The following TENM3 variants were observed in gnomAD, a reference collection of about 807,000 sequenced individuals.
The protein encoded by TENM3 is teneurin-3.
A neutral mutation model predicts 255.1 loss-of-function variants in TENM3; 63 were observed. That is an observed-to-expected ratio of 0.25 (90% CI 0.20 to 0.30). The LOEUF (loss-of-function observed/expected upper bound fraction) is 0.30. Ranked by LOEUF, TENM3 falls within the 10% of genes least tolerant of loss-of-function variation. TENM3 has a pLI of 1.00. For missense variants in TENM3, 2,929 were observed against 3,461.1 expected, an observed-to-expected ratio of 0.85 and a Z score of 3.86; for synonymous variants, 1,306 against 1,322.3, an observed-to-expected ratio of 0.99 and a Z score of 0.27.
chr4:182,625,510 A>G (rs1019082862), intron 4 of TENM3, among the ~76,000 whole-genome samples: 1 of 152,192 alleles, frequency 6.6e-6, no homozygotes, highest in Non-Finnish European at 1.5e-5. Context: ...GGTCCAGGGA[A>G]AAATTGTCTT....
At chr4:182,696,997 T>C (rs936231138) in intron 12 of TENM3, among the ~76,000 whole-genome samples, 5 of 152,034 alleles carry the variant, frequency 3.3e-5, no homozygotes, top group Admixed American at 2.6e-4. Flanking sequence ...TACTCATCTA[T>C]AAAGTGGGAA....
chr4:181,452,076 C>T, the TENM3 span, among the ~76,000 whole-genome samples: 12 of 151,866 alleles, frequency 7.9e-5, 1 homozygote, highest in Admixed American at 3.3e-4. Flanking sequence ...GCTAAAAGCG[C>T]GGTGAGATGA....
the TENM3 span, among the ~76,000 whole-genome samples, chr4:181,896,368 C>A: frequency 4.6e-5 from 7 of 152,106 alleles, no homozygotes; most frequent in Non-Finnish European, 8.8e-5. Flanking sequence ...TCATGATGAT[C>A]CCTTTTAAAA....
chr4:182,474,472 T>A (rs1189486643), intron 3 of TENM3, among the ~76,000 whole-genome samples: 1 of 152,152 alleles, frequency 6.6e-6, no homozygotes, highest in African/African-American at 2.4e-5. Flanking sequence ...GGACATCACT[T>A]AGTCTAAGTA....
chr4:182,776,607 T>C (rs779238939), intron 24 of TENM3, among the ~76,000 whole-genome samples: 3 of 152,164 alleles, frequency 2.0e-5, no homozygotes, highest in Non-Finnish European at 2.9e-5. Context: ...CTGCTGTTCT[T>C]GGAGACAAGT....
At chr4:181,503,569 A>G in the TENM3 span, among the ~76,000 whole-genome samples, 1 of 152,170 alleles carries the variant, frequency 6.6e-6, no homozygotes, top group Non-Finnish European at 1.5e-5. Flanking sequence ...TGCATCATGT[A>G]TCGGGGAACT....
intron 1 of TENM3, among the ~76,000 whole-genome samples, chr4:182,200,657 T>C (rs1233226994): frequency 1.3e-5 from 2 of 152,184 alleles, no homozygotes; most frequent in Non-Finnish European, 2.9e-5. Context: ...AATTAGCTCC[T>C]GGCATGGAAG....
At chr4:182,030,008 C>CT in the TENM3 span, among the ~76,000 whole-genome samples, 4 of 54,686 alleles carry the variant, frequency 7.3e-5, 1 homozygote, top group African/African-American at 2.2e-4. Flanking sequence ...TCCTTTTTTT[C>CT]TTTTTTTTTT....
intron 4 of TENM3, among the ~76,000 whole-genome samples, chr4:182,610,262 A>T (rs1748865294): frequency 6.6e-6 from 1 of 152,264 alleles, no homozygotes; most frequent in African/African-American, 2.4e-5. Flanking sequence ...TCATTCATTT[A>T]TGCAGGAAAT....
At chr4:181,661,329 T>C in the TENM3 span, among the ~76,000 whole-genome samples, 1 of 152,166 alleles carries the variant, frequency 6.6e-6, no homozygotes, top group Non-Finnish European at 1.5e-5. Flanking sequence ...CTAGTGGACC[T>C]GCACTTTCAG....
At chr4:181,510,207 A>T in the TENM3 span, among the ~76,000 whole-genome samples, 34 of 152,362 alleles carry the variant, frequency 2.2e-4, no homozygotes, top group Admixed American at 1.3e-3. Flanking sequence ...GTTAACTTTC[A>T]CAGCAGAAAA....
chr4:182,516,708 T>C (rs150227350), intron 3 of TENM3, among the ~76,000 whole-genome samples: 11,502 of 152,088 alleles, frequency 0.076, 488 homozygotes, highest in East Asian at 0.1. Flanking sequence ...CTGGCCAACA[T>C]GGTGAAACCC....
chr4:182,230,959 A>G (rs930862333), intron 1 of TENM3, among the ~76,000 whole-genome samples: 1 of 150,096 alleles, frequency 6.7e-6, no homozygotes, highest in African/African-American at 2.5e-5. Context: ...CTCCTGACCA[A>G]CAAGTGTCTC....
At chr4:182,669,891 C>A (rs775295399) in intron 6 of TENM3, among the ~76,000 whole-genome samples, 121 of 152,216 alleles carry the variant, frequency 7.9e-4, no homozygotes, top group Middle Eastern at 3.4e-3. Context: ...AAAATGATAC[C>A]AACCTCTTGG....
At chr4:181,829,985 G>A in the TENM3 span, 1 of 152,294 alleles carries the variant, frequency 6.6e-6, no homozygotes, top group African/African-American at 2.4e-5. Flanking sequence ...GTCTCGAGGT[G>A]TGCTTCTGGG....
the TENM3 span, among the ~76,000 whole-genome samples, chr4:181,912,359 A>G: frequency 6.6e-6 from 1 of 152,258 alleles, no homozygotes; most frequent in East Asian, 1.9e-4. Flanking sequence ...AGACTTCTCT[A>G]ATATGAAATG....
the TENM3 span, among the ~76,000 whole-genome samples, chr4:181,955,469 A>C: frequency 2.0e-5 from 3 of 152,194 alleles, no homozygotes; most frequent in Non-Finnish European, 4.4e-5. Flanking sequence ...AGGCAGAGGG[A>C]CAGCAAGTGC....
intron 4 of TENM3, among the ~76,000 whole-genome samples, chr4:182,626,348 T>C (rs1250673410): frequency 1.3e-5 from 2 of 152,228 alleles, no homozygotes; most frequent in East Asian, 1.9e-4. Context: ...CTTCAAATTA[T>C]ACTTTTTTGG....
chr4:182,033,409 T>G, the TENM3 span, among the ~76,000 whole-genome samples: 1 of 152,126 alleles, frequency 6.6e-6, no homozygotes, highest in Non-Finnish European at 1.5e-5. Flanking sequence ...TCTGAGACAC[T>G]GTTATGATTT....
Sources: gnomAD v4.1 joint callset for allele counts (sites outside exome capture counted in the v4.1 genomes callset) on GRCh38, gnomAD v4.1.1 for gene constraint, MANE v1.5 for transcripts, NCBI Gene and HGNC (gene_info 2026-07-23, HGNC 2026-07-21) for gene names.